CDHR3: variants seen among roughly 807,000 people sequenced by gnomAD.
The protein encoded by CDHR3 is cadherin-related family member 3.
In CDHR3, 79 loss-of-function variants were observed where a neutral mutation model predicts 86.6. The observed-to-expected ratio is 0.91, with a 90% CI of 0.76 to 1.10. CDHR3 has a LOEUF of 1.10. CDHR3 is among the 50% of genes least tolerant of loss of function. CDHR3 has a pLI of 0.00. For missense variants in CDHR3, 1,081 were observed against 1,077.6 expected (o/e 1.00, Z -0.04); for synonymous variants, 421 against 402.4 (o/e 1.05, Z -0.55).
rs554305535 is a variant in CDHR3 at position 105,996,150 on chromosome 7, G to A, written c.609-100G>A. The A allele has an allele frequency of 5.5e-4, 365 of 661,958 alleles. 6 individuals are homozygous for A. The South Asian group carries it at 6.3e-3, about 11-fold the overall frequency. The allele number at this position is 661,958 out of a possible 1,614,324, so 41.0% of individuals were successfully genotyped here. On this transcript the variant is annotated intron_variant, in intron 5 of 18. Transcript: ENST00000317716. ...GGAGAGGCTCACCACCAAAGGGGCA[G>A]GGTCTGCTCTCACTCCTCCCACCCC...
At chr7:106,028,117 TAAAATAAAATA>T (rs1837650844) in intron 16 of CDHR3, among the ~76,000 whole-genome samples, 1 of 11,272 alleles carries the variant, frequency 8.9e-5, no homozygotes, top group South Asian at 2.8e-3. Context: ...GACCCTGTCT[TAAAATAAAATA>T]AAATAAAATA....
chr7:105,996,421 T>C (rs1416256413), intron 6 of CDHR3, 67 bp downstream of exon 6: 11 of 826,400 alleles, frequency 1.3e-5, no homozygotes, highest in Non-Finnish European at 2.2e-5. Context: ...CCTCGTCTCC[T>C]CCGGCACATT....
At chr7:105,965,567 AC>A (rs56177648) in intron 1 of CDHR3, among the ~76,000 whole-genome samples, 6 of 78,270 alleles carry the variant, frequency 7.7e-5, no homozygotes, top group Admixed American at 1.6e-4. Context: ...CTCAAGCCCC[AC>A]CCCCCCCCAT....
At chr7:105,965,509 C>G (rs1826736459) in intron 1 of CDHR3, among the ~76,000 whole-genome samples, 1 of 149,310 alleles carries the variant, frequency 6.7e-6, no homozygotes, top group Non-Finnish European at 1.5e-5. Flanking sequence ...ATAGAGTATC[C>G]TCTTTCCTTT....
chr7:106,025,447 T>C (rs1002215386), intron 15 of CDHR3, among the ~76,000 whole-genome samples: 1 of 152,232 alleles, frequency 6.6e-6, no homozygotes, highest in Non-Finnish European at 1.5e-5. Flanking sequence ...ATTCCTGATA[T>C]AGAGTAAATG....
chr7:106,026,663 A>G lies in CDHR3; in HGVS notation c.2259-19A>G, dbSNP rs201753127. 28 of 1,613,572 alleles carry G rather than the reference A, an allele frequency of 1.7e-5. No individual in the cohort carries two copies. The African/African-American group carries it at 2.7e-4, about 15-fold the overall frequency. ...CATACTTTCAAGTGAATTAATAGCC[A>G]TTCTTTTTCCCCCCATAGGACAAAG... On this transcript the variant is annotated intron_variant, in intron 15 of 18. Coordinates refer to ENST00000317716, the MANE Select transcript of CDHR3 (RefSeq NM_152750.5).
intron 1 of CDHR3, among the ~76,000 whole-genome samples, chr7:105,973,870 G>A (rs544456006): frequency 1.2e-4 from 19 of 152,140 alleles, no homozygotes; most frequent in Non-Finnish European, 2.5e-4. Flanking sequence ...GGGAGGCTGA[G>A]GCATGAGAAT....
intron 18 of CDHR3, among the ~76,000 whole-genome samples, chr7:106,031,871 G>T (rs1838427086): frequency 1.3e-5 from 2 of 151,780 alleles, no homozygotes; most frequent in African/African-American, 4.8e-5. Flanking sequence ...AATAAAAATG[G>T]CTTCCTTGTA....
chr7:105,966,028 C>T (rs193042339), intron 1 of CDHR3, among the ~76,000 whole-genome samples: 8 of 152,256 alleles, frequency 5.3e-5, no homozygotes, highest in Admixed American at 5.2e-4. Context: ...CTTTGTGAAG[C>T]TATAGTGCCT....
At chr7:105,965,389 G>A (rs997644880) in intron 1 of CDHR3, among the ~76,000 whole-genome samples, 2 of 152,150 alleles carry the variant, frequency 1.3e-5, no homozygotes, top group African/African-American at 4.8e-5. Context: ...CAGGAGAATC[G>A]CTTGAACCCA....
At chr7:106,012,754 C>T (rs1379547201) in intron 8 of CDHR3, 106 bp from the exon 9 acceptor site, 1 of 1,232,024 alleles carries the variant, frequency 8.1e-7, no homozygotes, top group African/African-American at 1.5e-5. Flanking sequence ...CATGGACTTA[C>T]TTTGAATTGC....
chr7:106,034,225 A>G lies in CDHR3; in HGVS notation c.*1528A>G, dbSNP rs1372118122. On this transcript the variant is annotated 3_prime_UTR_variant, in exon 19 of 19. Coordinates refer to ENST00000317716, the MANE Select transcript of CDHR3 (RefSeq NM_152750.5). ...GATGGAATAGGAAATGTAACTTTCC[A>G]ATGTGTGCCTAGCAGAGCCTGAGCA... Among the ~76,000 whole-genome samples, 1 of 152,230 alleles carries G rather than the reference A, an allele frequency of 6.6e-6. No individual in the cohort carries two copies. The highest frequency in any genetic ancestry group is 1.5e-5 in the Non-Finnish European group (1 of 68,034).
chr7:106,023,191 G>A (rs145689167), intron 14 of CDHR3, among the ~76,000 whole-genome samples: 2 of 152,288 alleles, frequency 1.3e-5, no homozygotes, highest in East Asian at 3.9e-4. Context: ...TCCAGGGAAG[G>A]ATGCTGGAAC....
intron 8 of CDHR3, among the ~76,000 whole-genome samples, chr7:106,005,674 C>T (rs1451158322): frequency 6.6e-6 from 1 of 152,214 alleles, no homozygotes; most frequent in Non-Finnish European, 1.5e-5. Flanking sequence ...AGACCCAATA[C>T]ATGCAGAGGA....
In CDHR3 at chr7:105,964,056, A is replaced by G. The variant is rs528728195; in HGVS notation, c.46+692A>G. On this transcript the variant is annotated intron_variant, in intron 1 of 18. Transcript: ENST00000317716. Reference sequence around the variant, plus strand: ...TACATCTTTGACAAGTTATGTAGTAAAATACTTAGAAGAGTGTCTGAGTAC... The same window carrying G: ...TACATCTTTGACAAGTTATGTAGTAGAATACTTAGAAGAGTGTCTGAGTAC... 1.6e-4 allele frequency among the ~76,000 whole-genome samples: 25 copies of G among 152,332 alleles called. No individual in the cohort carries two copies. In the East Asian group the frequency reaches 4.6e-3, roughly 28 times the overall value.
chr7:106,003,828 A>C (rs1054405813), intron 7 of CDHR3, among the ~76,000 whole-genome samples: 4 of 152,108 alleles, frequency 2.6e-5, no homozygotes, highest in African/African-American at 9.7e-5. Flanking sequence ...ATGCCCTGTC[A>C]GCTGATAGTG....
At chr7:106,026,570 C>A in intron 15 of CDHR3, 112 bp from the exon 16 acceptor site, 2 of 1,102,880 alleles carry the variant, frequency 1.8e-6, no homozygotes, top group Non-Finnish European at 1.4e-6. Flanking sequence ...CTCTTTCAGT[C>A]AACCCCTGTA....
At chr7:105,976,270 C>T (rs1012814993) in intron 2 of CDHR3, among the ~76,000 whole-genome samples, 1 of 152,112 alleles carries the variant, frequency 6.6e-6, no homozygotes, top group Non-Finnish European at 1.5e-5. Flanking sequence ...CGTGTGTTTG[C>T]TTTTCTAGTC....
At position 106,035,586 on chromosome 7, in the gene CDHR3, G is replaced by C. The variant is rs1291793300; in HGVS notation, c.*2889G>C. On this transcript the variant is annotated 3_prime_UTR_variant, in exon 19 of 19. Transcript: ENST00000317716. ...CACTCCACAGTGTGGGAACGGGCCT[G>C]AGCAAGTGACTCAAGGGCCCAGATA... is the stretch of plus-strand genomic sequence containing the variant. 6.6e-6 allele frequency among the ~76,000 whole-genome samples: 1 copy of C among 152,196 alleles called. No homozygotes were observed. The highest frequency in any genetic ancestry group is 6.5e-5 in the Admixed American group (1 of 15,284).
Sources: gnomAD v4.1 joint callset for allele counts (sites outside exome capture counted in the v4.1 genomes callset) on GRCh38, gnomAD v4.1.1 for gene constraint, MANE v1.5 for transcripts, NCBI Gene and HGNC (gene_info 2026-07-23, HGNC 2026-07-21) for gene names.